SPECC1: variants seen among roughly 807,000 people sequenced by gnomAD.
The protein encoded by SPECC1 is cytospin-B.
A neutral mutation model predicts 104.1 loss-of-function variants in SPECC1; 62 were observed. The observed-to-expected ratio is 0.60, with a 90% CI of 0.49 to 0.74. The LOEUF (loss-of-function observed/expected upper bound fraction) is 0.74. Ranked by LOEUF, SPECC1 falls within the 30% of genes least tolerant of loss-of-function variation. The pLI, the probability that SPECC1 is intolerant of heterozygous loss-of-function variation, is 0.00. For missense variants in SPECC1, 1,306 were observed against 1,310.5 expected, an observed-to-expected ratio of 1.00 and a Z score of 0.05; for synonymous variants, 513 against 501.6, an observed-to-expected ratio of 1.02 and a Z score of -0.30.
chr17:20,065,694 T>C (rs2046334123), intron 1 of SPECC1, among the ~76,000 whole-genome samples: 1 of 152,222 alleles, frequency 6.6e-6, no homozygotes, highest in Non-Finnish European at 1.5e-5. Context: ...GTACATGATC[T>C]AAACCTAGCA....
At chr17:20,124,624 C>T (rs1362424117) in intron 3 of SPECC1, among the ~76,000 whole-genome samples, 1 of 152,138 alleles carries the variant, frequency 6.6e-6, no homozygotes, top group Non-Finnish European at 1.5e-5. Context: ...TATAGATGCT[C>T]CTCCACTTAC....
At chr17:20,238,320 A>G (rs1002417690) in intron 7 of SPECC1, 1 of 1,039,796 alleles carries the variant, frequency 9.6e-7, no homozygotes, top group African/African-American at 1.7e-5. Flanking sequence ...GTGATACACA[A>G]TTCAAAATGT....
chr17:20,227,937 A>G (rs1447683360), intron 5 of SPECC1, among the ~76,000 whole-genome samples: 3 of 151,884 alleles, frequency 2.0e-5, no homozygotes, highest in Non-Finnish European at 4.4e-5. Flanking sequence ...TGAGTAGGAC[A>G]CTAAAGAAAC....
At chr17:20,237,980 G>A in intron 7 of SPECC1, 1 of 979,532 alleles carries the variant, frequency 1.0e-6, no homozygotes, top group Non-Finnish European at 1.2e-6. Context: ...GACCTCAAGT[G>A]ATCTGGCCGC....
intron 10 of SPECC1, among the ~76,000 whole-genome samples, chr17:20,256,024 C>T (rs1172892510): frequency 3.3e-5 from 5 of 152,084 alleles, no homozygotes; most frequent in Admixed American, 2.6e-4. Context: ...ACTACAGGCG[C>T]CTGCCACCAT....
At chr17:20,164,638 A>C (rs183523036) in intron 3 of SPECC1, among the ~76,000 whole-genome samples, 35 of 152,286 alleles carry the variant, frequency 2.3e-4, no homozygotes, top group African/African-American at 7.9e-4. Context: ...ATTCAGGGAT[A>C]TTCTGTGCTT....
intron 3 of SPECC1, among the ~76,000 whole-genome samples, chr17:20,163,932 T>C (rs1032038813): frequency 6.6e-6 from 1 of 152,210 alleles, no homozygotes; most frequent in African/African-American, 2.4e-5. Context: ...AATTAATTAC[T>C]CAGTTACATA....
chr17:20,205,166 C>T lies in SPECC1; in HGVS notation c.1117C>T (p.Leu373Phe), dbSNP rs775433217. The T allele has an allele frequency of 1.2e-5, 20 of 1,613,984 alleles. No homozygotes were observed. In the South Asian group the frequency reaches 2.1e-4, roughly 17 times the overall value. The stretch of plus-strand genomic sequence containing the variant: ...CGTAAGTGAATTGTCCCTGGCTTCC[C>T]TCACAGAGAAGATACAAAAGATGGA... ...NSVSELSLAS[L>F]TEKIQKMEEN... The change falls in exon 4 of 15, where the codon CTC (leucine) becomes TTC (phenylalanine). Residue 373 changes from leucine to phenylalanine, a missense_variant. Around this residue, in one of 2 missense-constraint regions of SPECC1, gnomAD observed 1,177 missense variants for 1,139.9 expected, o/e 1.03. Transcript: ENST00000395527.
At chr17:20,172,072 C>T (rs758462739) in intron 3 of SPECC1, among the ~76,000 whole-genome samples, 21 of 152,186 alleles carry the variant, frequency 1.4e-4, no homozygotes, top group Non-Finnish European at 2.6e-4. Flanking sequence ...TCTCAGGTAG[C>T]TGAGTGGCCA....
chr17:20,010,417 G>A (rs2043900764), intron 1 of SPECC1, among the ~76,000 whole-genome samples: 1 of 152,154 alleles, frequency 6.6e-6, no homozygotes, highest in South Asian at 2.1e-4. Context: ...TTTGTTTTTG[G>A]AAGATTCTGT....
chr17:20,099,859 C>A (rs1597698124), intron 2 of SPECC1, among the ~76,000 whole-genome samples: 1 of 152,052 alleles, frequency 6.6e-6, no homozygotes, highest in Admixed American at 6.6e-5. Flanking sequence ...CAGGGAAAAG[C>A]AAATACAGTC....
intron 3 of SPECC1, chr17:20,185,228 ACT>A (rs1422921388): frequency 6.6e-6 from 1 of 152,198 alleles, no homozygotes; most frequent in Non-Finnish European, 1.5e-5. Flanking sequence ...CTACAGTGTG[ACT>A]CTGCCACTTC....
At chr17:20,117,145 T>C (rs1171028367) in intron 3 of SPECC1, among the ~76,000 whole-genome samples, 1 of 152,120 alleles carries the variant, frequency 6.6e-6, no homozygotes, top group Non-Finnish European at 1.5e-5. Flanking sequence ...TGGCATTTCA[T>C]ATCACGGTGG....
intron 12 of SPECC1, among the ~76,000 whole-genome samples, chr17:20,274,215 C>T (rs1383514124): frequency 1.3e-5 from 2 of 152,174 alleles, no homozygotes; most frequent in Non-Finnish European, 2.9e-5. Flanking sequence ...ACTGATAGGC[C>T]TAGGTATGAA....
chr17:20,111,960 A>G (rs1409631694), intron 3 of SPECC1: 1 of 791,816 alleles, frequency 1.3e-6, no homozygotes, highest in South Asian at 1.3e-5. Flanking sequence ...TATAATGGCA[A>G]AGGTGGACTG....
intron 1 of SPECC1, among the ~76,000 whole-genome samples, chr17:20,085,543 A>C (rs1017348239): frequency 6.6e-6 from 1 of 152,198 alleles, no homozygotes; most frequent in Non-Finnish European, 1.5e-5. Context: ...TATATTTAAA[A>C]CACAATGCTA....
chr17:20,249,681 A>G (rs1190454104), intron 9 of SPECC1, among the ~76,000 whole-genome samples: 2 of 152,186 alleles, frequency 1.3e-5, no homozygotes, highest in Non-Finnish European at 2.9e-5. Context: ...TGAATTAAAG[A>G]CTCAATAAAG....
intron 12 of SPECC1, among the ~76,000 whole-genome samples, chr17:20,286,690 C>T (rs1420435143): frequency 6.6e-6 from 1 of 152,190 alleles, no homozygotes; most frequent in Non-Finnish European, 1.5e-5. Context: ...ATTGGCCCTG[C>T]CCACACGAGT....
At position 20,040,552 on chromosome 17, in the gene SPECC1, G is replaced by C. The variant is rs373099815; in HGVS notation, c.-22+31128G>C. Among the ~76,000 whole-genome samples, 3 of 152,254 alleles carry C rather than the reference G, an allele frequency of 2.0e-5. No homozygotes were observed. In the South Asian group the frequency reaches 6.2e-4, roughly 32 times the overall value. On this transcript the variant is annotated intron_variant, in intron 1 of 14. Coordinates refer to ENST00000395527, the MANE Select transcript of SPECC1 (RefSeq NM_001243439.2). ...CTCTTATTTTGCTTTATCTGAGACT[G>C]TCTTGATTTCCCATTGATTCTTGAA...
Sources: allele counts gnomAD v4.1 joint callset (sites outside exome capture counted in the v4.1 genomes callset), GRCh38; gene constraint gnomAD v4.1.1; regional missense constraint gnomAD v4.1.1; transcripts MANE v1.5; gene names NCBI Gene and HGNC (gene_info 2026-07-23, HGNC 2026-07-21).